The following MKRN2OS variants were observed in gnomAD, a reference collection of about 807,000 sequenced individuals.
The protein encoded by MKRN2OS is MKRN2 opposite strand.
Under a neutral mutation model 18.2 loss-of-function variants are expected in MKRN2OS, and 17 were observed. That is an observed-to-expected ratio of 0.93 (90% confidence interval 0.64 to 1.40). The LOEUF is 1.40. Among genes scored for constraint, MKRN2OS ranks in the 40% most tolerant of loss-of-function variants. MKRN2OS has a pLI of 0.00. For synonymous variants in MKRN2OS, 121 were observed against 108.5 expected, an observed-to-expected ratio of 1.12 and a Z score of -0.72; for missense variants, 337 against 283.0, an observed-to-expected ratio of 1.19 and a Z score of -1.37.
At chr3:12,542,070 C>A in intron 2 of MKRN2OS, 48 bp from the exon 3 acceptor site, 1 of 1,496,630 alleles carries the variant, frequency 6.7e-7, no homozygotes, top group South Asian at 1.3e-5. Flanking sequence ...AAACACACAC[C>A]TCTGTGAAAA....
chr3:12,544,714 T>C (rs1410306704), intron 1 of MKRN2OS, among the ~76,000 whole-genome samples: 2 of 152,120 alleles, frequency 1.3e-5, no homozygotes, highest in African/African-American at 4.8e-5. Context: ...TTTCTTTTGC[T>C]TTCTAATTCA....
At position 12,557,109 on chromosome 3, in the gene MKRN2OS, C is replaced by A. The variant is rs774419189; in HGVS notation, n.265-2975G>T. 36 of 1,484,790 alleles carry A rather than the reference C, an allele frequency of 2.4e-5. No individual in the cohort carries two copies. The Admixed American group carries it at 7.7e-4, about 32-fold the overall frequency. The allele number at this position is 1,484,790 out of a possible 1,614,324, so 92.0% of individuals were successfully genotyped here. A position where few individuals can be genotyped will look rare whatever the true frequency, so the allele number is the denominator to read the frequency against. On this transcript the variant is annotated intron_variant and non_coding_transcript_variant, in intron 1 of 1. Coordinates refer to the MKRN2OS transcript ENST00000447550. ...GCCAAGGCCGAGGCGGCAGCGGCTG[C>A]GAGAGGCGGCGGCACGACGACGGTC...
Position 12,540,385 on chromosome 3 carries a change from A to T in MKRN2OS, c.480T>A (p.Ile160=). 6.5e-7 allele frequency: 1 copy of T among 1,536,138 alleles called. No individual in the cohort carries two copies. Among genetic ancestry groups the T allele is most frequent in the Non-Finnish European group, 8.7e-7 (1 of 1,146,916 alleles). The part of the protein sequence containing the change: ...HNCYSYALTF[I]NCVLMAEGRQ... Reference sequence around the variant, plus strand: ...TACCTTCTGCCATCAGAACGCAGTTAATGAACGTGAGTGCGTAAGAGTAGC... The same window carrying T: ...TACCTTCTGCCATCAGAACGCAGTTTATGAACGTGAGTGCGTAAGAGTAGC... The change falls in exon 4 of 4, where the codon ATT becomes ATA. Residue 160 remains isoleucine, a synonymous_variant. Transcript: ENST00000564146.
chr3:12,543,275 C>T (rs1255146864), intron 1 of MKRN2OS, 46 bp from the exon 2 acceptor site: 24 of 1,484,624 alleles, frequency 1.6e-5, no homozygotes, highest in Non-Finnish European at 2.0e-5. Flanking sequence ...ATGTATTTGG[C>T]ATGAAGAATT....
chr3:12,544,573 G>T (rs1233187548), intron 1 of MKRN2OS, among the ~76,000 whole-genome samples: 1 of 151,886 alleles, frequency 6.6e-6, no homozygotes, highest in Non-Finnish European at 1.5e-5. Flanking sequence ...CTACTCGGGA[G>T]CCTGAGGCAG....
intron 1 of MKRN2OS, among the ~76,000 whole-genome samples, chr3:12,559,598 A>G (rs903787604): frequency 6.6e-6 from 1 of 152,188 alleles, no homozygotes; most frequent in Non-Finnish European, 1.5e-5. Flanking sequence ...ATCAAATGCT[A>G]GGAGTCTCAA....
Position 12,545,286 on chromosome 3 carries a change from C to T in MKRN2OS, c.179G>A (p.Cys60Tyr). ...CTGAGTTGGTCTGAGGAGGAATGAA[C>T]ATTTTTCTTGATGTCCATTAGTAAA... ...NPFTNGHQEK[C>Y]SFLLRPTQGT... The change falls in exon 1 of 4, where the codon TGT becomes TAT. Residue 60 changes from cysteine (C) to tyrosine (Y), a missense_variant. By Grantham distance (194) the Cys-to-Tyr change is radical. Transcript: ENST00000564146. 1.6e-5 allele frequency: 24 copies of T among 1,536,020 alleles called. No individual in the cohort carries two copies. The highest frequency in any genetic ancestry group is 2.1e-5 in the Non-Finnish European group (24 of 1,146,842).
chr3:12,550,716 A>G (rs2125294045), downstream of MKRN2OS, among the ~76,000 whole-genome samples: 1 of 152,280 alleles, frequency 6.6e-6, no homozygotes, highest in South Asian at 2.1e-4. Flanking sequence ...TATGCCCCTC[A>G]GTCGAATTCT....
At chr3:12,545,131 C>T (rs574213858) in intron 1 of MKRN2OS, 116 bp downstream of exon 1, 17 of 802,134 alleles carry the variant, frequency 2.1e-5, no homozygotes, top group East Asian at 1.6e-4. Context: ...GCCAAAGCAC[C>T]GAAAAAATTG....
In MKRN2OS at chr3:12,558,389, G is replaced by T. The variant is rs1012846551; in HGVS notation, n.264+2368C>A. ...TTTTTATTTGTATAAAGTTTCTCCT[G>T]CTGGAGGAAGTATTCCTAGGTCATT... is the stretch of plus-strand genomic sequence containing the variant. On this transcript the variant is annotated intron_variant and non_coding_transcript_variant, in intron 1 of 1. Coordinates refer to the MKRN2OS transcript ENST00000447550. Among the ~76,000 whole-genome samples the T allele has an allele frequency of 3.3e-5, 5 of 152,276 alleles. No homozygotes were observed. In the South Asian group the frequency reaches 6.2e-4, roughly 19 times the overall value.
chr3:12,558,913 C>G (rs372668129), intron 1 of MKRN2OS, among the ~76,000 whole-genome samples: 3 of 152,178 alleles, frequency 2.0e-5, no homozygotes, highest in Non-Finnish European at 4.4e-5. Context: ...TTCCACAGAT[C>G]GTAAAACTGA....
intron 1 of MKRN2OS, chr3:12,557,059 G>C (rs1575512277): frequency 1.5e-6 from 2 of 1,319,194 alleles, no homozygotes; most frequent in Non-Finnish European, 1.9e-6. Flanking sequence ...GCGTGACGCG[G>C]CTACGCGGGA....
chr3:12,544,874 C>A (rs1393539949), intron 1 of MKRN2OS, among the ~76,000 whole-genome samples: 2 of 152,022 alleles, frequency 1.3e-5, no homozygotes, highest in Non-Finnish European at 2.9e-5. Context: ...TTCATCGGGC[C>A]CTGTAGGTTG....
At chr3:12,548,589 A>G (rs992418038), upstream of MKRN2OS, among the ~76,000 whole-genome samples, 5 of 150,882 alleles carry the variant, frequency 3.3e-5, no homozygotes, top group African/African-American at 1.2e-4. Flanking sequence ...CTGTGACTGC[A>G]CCATTGCACT....
intron 3 of MKRN2OS, 124 bp downstream of exon 3, chr3:12,541,736 A>C: frequency 9.8e-7 from 1 of 1,021,818 alleles, no homozygotes; most frequent in Non-Finnish European, 1.4e-6. Flanking sequence ...AGATGCTAAT[A>C]TGTCTGTATC....
rs1434391845 is a variant in MKRN2OS, at chr3:12,542,048, G to A, written c.269-26C>T. The stretch of plus-strand genomic sequence containing the variant: ...CTGCAAATCAAAACCAAAGTCATGT[G>A]GAGCCCCAAGGAAACACACACCTCT... On this transcript the variant is annotated intron_variant, in intron 2 of 3. Coordinates refer to ENST00000564146, the MANE Select transcript of MKRN2OS (RefSeq NM_001195279.2). 3 of 1,523,024 alleles carry A rather than the reference G, an allele frequency of 2.0e-6. No individual in the cohort carries two copies. The Admixed American group carries it at 6.0e-5, about 30-fold the overall frequency. 94.3% of individuals were successfully genotyped at this position (1,523,024 alleles called of 1,614,324 possible).
chr3:12,544,613 T>C (rs941901678), intron 1 of MKRN2OS, among the ~76,000 whole-genome samples: 1 of 148,116 alleles, frequency 6.8e-6, no homozygotes, highest in African/African-American at 2.5e-5. Context: ...ACCCGGGAGG[T>C]GGAGGTTGCA....
In MKRN2OS at chr3:12,540,122, G is replaced by C. The variant is rs893542861; in HGVS notation, c.*71C>G. ...TATTAACCACAGTTAAATGCATTTAGAAATCCATAGTACTGATTAAAGGTA... is the reference window on the plus strand; with the variant it reads ...TATTAACCACAGTTAAATGCATTTACAAATCCATAGTACTGATTAAAGGTA... On this transcript the variant is annotated 3_prime_UTR_variant, in exon 4 of 4. Transcript: ENST00000564146. 184 of 1,521,470 alleles carry C rather than the reference G, an allele frequency of 1.2e-4. No individual in the cohort carries two copies. Among genetic ancestry groups the C allele is most frequent in the Non-Finnish European group, 1.6e-4 (177 of 1,135,974 alleles). The allele number at this position is 1,521,470 out of a possible 1,614,324, so 94.2% of individuals were successfully genotyped here.
At chr3:12,555,362 G>T (rs1305636194) in intron 1 of MKRN2OS, among the ~76,000 whole-genome samples, 1 of 150,462 alleles carries the variant, frequency 6.6e-6, no homozygotes, top group Non-Finnish European at 1.5e-5. Flanking sequence ...GAATTGCATG[G>T]ATCAAATGTG....
Sources: gnomAD v4.1 joint callset for allele counts (sites outside exome capture counted in the v4.1 genomes callset) on GRCh38, gnomAD v4.1.1 for gene constraint, MANE v1.5 for transcripts, NCBI Gene and HGNC (gene_info 2026-07-23, HGNC 2026-07-21) for gene names.